Variants in CMSS1 observed in about 807,000 individuals in gnomAD.
CMSS1 encodes the protein protein CMSS1.
CMSS1 carries 33 observed loss-of-function variants against 43.5 expected under a neutral mutation model. The observed-to-expected ratio is 0.76, with a 90% CI of 0.57 to 1.01. The LOEUF (loss-of-function observed/expected upper bound fraction) is 1.01, where lower values mean the gene tolerates loss of function less well. Ranked by LOEUF, CMSS1 falls within the 50% of genes least tolerant of loss-of-function variation. CMSS1 has a pLI of 0.00. For missense variants in CMSS1, 313 were observed against 326.4 expected (o/e 0.96, Z 0.32); for synonymous variants, 115 against 117.2 (o/e 0.98, Z 0.12).
rs766923351 is a variant in CMSS1 at position 99,849,631 on chromosome 3, A to G, written c.64+31588A>G. ...TGCTAACTTGTACTTAGCAAGTTCC[A>G]TTTTAACATGTTCTAGCTCTTTAGA... On this transcript the variant is annotated intron_variant, in intron 1 of 9. Coordinates refer to ENST00000421999, the MANE Select transcript of CMSS1 (RefSeq NM_032359.4). 8 of 1,613,418 alleles carry G rather than the reference A, an allele frequency of 5.0e-6. No individual in the cohort carries two copies. In the East Asian group the frequency reaches 1.8e-4, roughly 36 times the overall value.
At chr3:99,938,645 G>T (rs1049565287) in intron 1 of CMSS1, among the ~76,000 whole-genome samples, 3 of 152,164 alleles carry the variant, frequency 2.0e-5, no homozygotes, top group African/African-American at 4.8e-5. Context: ...GATGTATTAA[G>T]ATTATGGGGT....
At chr3:99,819,064 C>T (rs1055755632) in intron 1 of CMSS1, among the ~76,000 whole-genome samples, 13 of 152,220 alleles carry the variant, frequency 8.5e-5, no homozygotes, top group Non-Finnish European at 1.9e-4. Context: ...CTATTTGCTG[C>T]AAACAATCTT....
At chr3:99,865,782 ATG>A (rs1944482836) in intron 1 of CMSS1, among the ~76,000 whole-genome samples, 1 of 151,774 alleles carries the variant, frequency 6.6e-6, no homozygotes, top group Non-Finnish European at 1.5e-5. Flanking sequence ...CCTTAGAAAT[ATG>A]TGTGTATGTA....
intron 1 of CMSS1, among the ~76,000 whole-genome samples, chr3:100,029,154 C>T (rs969775742): frequency 1.3e-5 from 2 of 151,282 alleles, no homozygotes; most frequent in Admixed American, 6.6e-5. Flanking sequence ...AGCAAGACCT[C>T]GTCTTTAAAA....
intron 1 of CMSS1, among the ~76,000 whole-genome samples, chr3:100,042,728 G>A (rs2065225281): frequency 6.6e-6 from 1 of 152,132 alleles, no homozygotes; most frequent in Non-Finnish European, 1.5e-5. Flanking sequence ...TTGCCACATA[G>A]CTGATAACCC....
At chr3:99,885,747 T>C (rs919665081) in intron 1 of CMSS1, among the ~76,000 whole-genome samples, 3 of 152,104 alleles carry the variant, frequency 2.0e-5, no homozygotes, top group African/African-American at 7.2e-5. Flanking sequence ...TCTTCTTCCC[T>C]CCTCTCTGCC....
chr3:99,931,243 G>C (rs1257209054), intron 1 of CMSS1, among the ~76,000 whole-genome samples: 1 of 152,062 alleles, frequency 6.6e-6, no homozygotes, highest in East Asian at 1.9e-4. Context: ...TTAAAAAAAG[G>C]TGTTCTGTCT....
At chr3:100,033,455 T>G (rs968741606) in intron 1 of CMSS1, among the ~76,000 whole-genome samples, 1 of 152,204 alleles carries the variant, frequency 6.6e-6, no homozygotes, top group Admixed American at 6.5e-5. Context: ...TGTTATCTTC[T>G]TGAAGGTCTT....
chr3:100,143,414 G>T (rs954088705), intron 1 of CMSS1, among the ~76,000 whole-genome samples: 4 of 152,090 alleles, frequency 2.6e-5, no homozygotes, highest in African/African-American at 9.7e-5. Context: ...TTTTTTACAT[G>T]CTGTTTATCA....
chr3:99,849,821 G>A (rs1314058615), intron 1 of CMSS1: 1 of 1,611,764 alleles, frequency 6.2e-7, no homozygotes, highest in East Asian at 2.2e-5. Context: ...TTTTCTTGGT[G>A]TAATGCTGTT....
chr3:100,025,623 G>A (rs1202479121), intron 1 of CMSS1: 2 of 152,168 alleles, frequency 1.3e-5, no homozygotes, highest in Non-Finnish European at 2.9e-5. Context: ...TAGACAAAGT[G>A]AAACAAGTCT....
intron 1 of CMSS1, among the ~76,000 whole-genome samples, chr3:100,049,063 G>A (rs571316809): frequency 2.6e-5 from 4 of 152,234 alleles, no homozygotes; most frequent in African/African-American, 9.6e-5. Flanking sequence ...AAACAAAGTC[G>A]ATGTCTGAAT....
intron 1 of CMSS1, among the ~76,000 whole-genome samples, chr3:99,934,008 C>T (rs749226125): frequency 3.9e-5 from 6 of 152,198 alleles, no homozygotes; most frequent in Non-Finnish European, 8.8e-5. Flanking sequence ...GACGGGCTCT[C>T]ACGTATTTGG....
At chr3:99,897,164 G>C (rs992750008) in intron 1 of CMSS1, among the ~76,000 whole-genome samples, 1 of 152,130 alleles carries the variant, frequency 6.6e-6, no homozygotes, top group Non-Finnish European at 1.5e-5. Flanking sequence ...TTCGAGACCA[G>C]CCTAGCCAAC....
chr3:100,003,322 A>G (rs761478177), intron 1 of CMSS1, among the ~76,000 whole-genome samples: 22 of 152,198 alleles, frequency 1.4e-4, no homozygotes, highest in Non-Finnish European at 2.5e-4. Context: ...AGTGCAGTAA[A>G]TACTTACATA....
rs148955196 is a variant in CMSS1 at position 99,967,510 on chromosome 3, C to G, written c.64+149467C>G. ...TGGGTCAACTGAATTTTTTGTTCCA[C>G]TAAGAGTCCCCTCCTGGCTCCTTGT... On this transcript the variant is annotated intron_variant, in intron 1 of 9. Transcript: ENST00000421999. Among the ~76,000 whole-genome samples the G allele has an allele frequency of 4.6e-3, 700 of 152,238 alleles. 2 individuals carry two copies. The highest frequency in any genetic ancestry group is 6.8e-3 in the South Asian group (33 of 4,820).
intron 1 of CMSS1, among the ~76,000 whole-genome samples, chr3:99,934,116 A>C (rs1707581182): frequency 6.6e-6 from 1 of 152,202 alleles, no homozygotes. Context: ...GCTTCCCCAC[A>C]TGGTGGTCTC....
chr3:99,956,554 C>G (rs1390124109), intron 1 of CMSS1, among the ~76,000 whole-genome samples: 2 of 152,152 alleles, frequency 1.3e-5, no homozygotes, highest in Non-Finnish European at 2.9e-5. Flanking sequence ...ACCACGTTGG[C>G]CAGGCTAGTC....
chr3:100,132,405 A>C (rs540707269), intron 1 of CMSS1, among the ~76,000 whole-genome samples: 1 of 152,306 alleles, frequency 6.6e-6, no homozygotes, highest in South Asian at 2.1e-4. Flanking sequence ...CCTATCTCTA[A>C]AAATGAATAA....
Sources: gnomAD v4.1 joint callset for allele counts (sites outside exome capture counted in the v4.1 genomes callset) on GRCh38, gnomAD v4.1.1 for gene constraint, MANE v1.5 for transcripts, NCBI Gene and HGNC (gene_info 2026-07-23, HGNC 2026-07-21) for gene names.